Variants in LACTB2 observed in about 807,000 individuals in gnomAD.
The protein encoded by LACTB2 is endoribonuclease LACTB2.
A neutral mutation model predicts 34.8 loss-of-function variants in LACTB2; 32 were observed. That is an observed-to-expected ratio of 0.92 (90% CI 0.69 to 1.24). The LOEUF (loss-of-function observed/expected upper bound fraction) is 1.24, where lower values mean the gene tolerates loss of function less well. Ranked by LOEUF, LACTB2 falls within the 50% of genes most tolerant of loss-of-function variation. The probability of loss-of-function intolerance (pLI) is 0.00; values close to 1 mark genes in which losing one functional copy is unlikely to be tolerated. For synonymous variants in LACTB2, 120 were observed against 117.5 expected (o/e 1.02, Z -0.14); for missense variants, 320 against 345.0 (o/e 0.93, Z 0.57).
intron 3 of LACTB2, among the ~76,000 whole-genome samples, chr8:70,649,417 A>C (rs1439702286): frequency 6.6e-6 from 1 of 152,232 alleles, no homozygotes; most frequent in Non-Finnish European, 1.5e-5. Flanking sequence ...TTATATACTC[A>C]GAGTTAAATT....
intron 5 of LACTB2, among the ~76,000 whole-genome samples, chr8:70,640,162 A>C (rs983516984): frequency 2.3e-4 from 35 of 152,024 alleles, no homozygotes; most frequent in African/African-American, 8.2e-4. Context: ...AGGTCTCACT[A>C]TGTTGCCCAA....
intron 2 of LACTB2, chr8:70,660,108 GT>G (rs1478352528): frequency 3.3e-5 from 5 of 151,638 alleles, no homozygotes; most frequent in African/African-American, 1.2e-4. Context: ...TCACAGAGTA[GT>G]TTCTTTTTTT....
intron 4 of LACTB2, among the ~76,000 whole-genome samples, chr8:70,641,663 G>C (rs1818201040): frequency 6.6e-6 from 1 of 152,120 alleles, no homozygotes; most frequent in Non-Finnish European, 1.5e-5. Context: ...AAATTCACAA[G>C]ACCCACAGTA....
intron 4 of LACTB2, among the ~76,000 whole-genome samples, chr8:70,643,804 A>G (rs1169179018): frequency 6.6e-6 from 1 of 152,124 alleles, no homozygotes; most frequent in Non-Finnish European, 1.5e-5. Context: ...TGAGCCACTG[A>G]GCCTGGCCTT....
rs1374238608 is a variant in LACTB2, at chr8:70,637,696, A to G, written c.*164T>C. 1 of 411,900 alleles carries G rather than the reference A, an allele frequency of 2.4e-6. No homozygotes were observed. Among genetic ancestry groups the G allele is most frequent in the East Asian group, 3.7e-5 (1 of 27,032 alleles). The allele number at this position is 411,900 out of a possible 1,614,324, so 25.5% of individuals were successfully genotyped here. ...GAAATAACCTATCATATGGTTGTAT[A>G]GTGTAATTTACATATTTTAGCATAA... On this transcript the variant is annotated 3_prime_UTR_variant, in exon 7 of 7. Coordinates refer to ENST00000276590, the MANE Select transcript of LACTB2 (RefSeq NM_016027.3).
intron 1 of LACTB2, chr8:70,662,451 T>C (rs1471323578): frequency 6.6e-6 from 1 of 152,232 alleles, no homozygotes; most frequent in East Asian, 1.9e-4. Flanking sequence ...ATACAACTTA[T>C]CACTGAAGTT....
intron 3 of LACTB2, among the ~76,000 whole-genome samples, chr8:70,652,338 T>A (rs530781272): frequency 6.6e-6 from 1 of 152,364 alleles, no homozygotes; most frequent in East Asian, 1.9e-4. Context: ...CATGTTAATA[T>A]TGAAAACAGT....
At chr8:70,664,940 C>G (rs986736575) in intron 1 of LACTB2, among the ~76,000 whole-genome samples, 16 of 152,186 alleles carry the variant, frequency 1.1e-4, no homozygotes, top group Non-Finnish European at 2.2e-4. Flanking sequence ...CTTCTCCATT[C>G]AAAACACTGC....
chr8:70,649,815 CTGTT>C (rs1306541997), intron 3 of LACTB2, among the ~76,000 whole-genome samples: 3 of 152,120 alleles, frequency 2.0e-5, no homozygotes, highest in Non-Finnish European at 2.9e-5. Flanking sequence ...TGTCATTTGT[CTGTT>C]TGTTCCTGTA....
In LACTB2 at chr8:70,661,835, G is replaced by A. The variant is rs766247842; in HGVS notation, c.185C>T (p.Ala62Val). Residue 62 changes from alanine to valine, a missense_variant, in exon 2 of 7, where the codon GCT (alanine) becomes GTT (valine). By Grantham distance (64) the Ala-to-Val change is moderately conservative (BLOSUM62 0). Transcript: ENST00000276590. ...IPEYISCLKQ[A>V]LTEFNTAIQE... ...GATTGCTGTGTTAAATTCAGTTAGA[G>A]CCTGCTTTAAACAGCTGATGTATTC... The A allele has an allele frequency of 2.5e-6, 4 of 1,613,450 alleles. No individual in the cohort carries two copies. The highest frequency in any genetic ancestry group is 2.5e-6 in the Non-Finnish European group (3 of 1,179,738).
chr8:70,669,116 G>C lies in LACTB2; in HGVS notation c.5C>G (p.Ala2Gly). Reference protein sequence around the residue: MAAVLQRVERLS... With the variant: MGAVLQRVERLS... ...CCGCTCGACGCGCTGCAGTACAGCA[G>C]CCATTCCCGCCTCAGCCGCCCGCCG... The change falls in exon 1 of 7, where the codon GCT becomes GGT. Residue 2 changes from alanine (A) to glycine (G), a missense_variant. Transcript: ENST00000276590. The C allele has an allele frequency of 6.3e-7, 1 of 1,588,580 alleles. No individual in the cohort carries two copies. Among genetic ancestry groups the C allele is most frequent in the Non-Finnish European group, 8.6e-7 (1 of 1,169,032 alleles).
At chr8:70,665,915 T>C (rs1818529109) in intron 1 of LACTB2, among the ~76,000 whole-genome samples, 3 of 152,226 alleles carry the variant, frequency 2.0e-5, no homozygotes, top group Admixed American at 6.5e-5. Context: ...GTAAAAACAC[T>C]GGACAATTTG....
chr8:70,648,786 C>T (rs914548648), intron 3 of LACTB2, among the ~76,000 whole-genome samples: 1 of 152,012 alleles, frequency 6.6e-6, no homozygotes, highest in Non-Finnish European at 1.5e-5. Context: ...GAGTTTTTTC[C>T]GATGATGGGA....
intron 5 of LACTB2, among the ~76,000 whole-genome samples, chr8:70,639,903 G>A (rs1818174086): frequency 1.3e-5 from 2 of 152,098 alleles, no homozygotes; most frequent in Non-Finnish European, 2.9e-5. Flanking sequence ...CAGAGGTTGT[G>A]GTGAGCCAAG....
chr8:70,667,676 A>G (rs1284124229), intron 1 of LACTB2, among the ~76,000 whole-genome samples: 2 of 152,210 alleles, frequency 1.3e-5, no homozygotes, highest in Admixed American at 6.5e-5. Flanking sequence ...TGTATTTTTC[A>G]TACAATATAG....
chr8:70,668,448 G>T (rs1818566371), intron 1 of LACTB2, among the ~76,000 whole-genome samples: 1 of 152,182 alleles, frequency 6.6e-6, no homozygotes, highest in African/African-American at 2.4e-5. Context: ...ACACACAATT[G>T]TAACAAAAAA....
At position 70,650,609 on chromosome 8, in the gene LACTB2, A is replaced by C. The variant is rs182688510; in HGVS notation, c.414-6366T>G. On this transcript the variant is annotated intron_variant, in intron 3 of 6. Transcript: ENST00000276590. ...GCTGGGCGTGGTGGCGGATGCCTGTAATCTCAGCTACTCAGGAGTCTAAGG... is the reference window on the plus strand; with the variant it reads ...GCTGGGCGTGGTGGCGGATGCCTGTCATCTCAGCTACTCAGGAGTCTAAGG... Among the ~76,000 whole-genome samples the C allele has an allele frequency of 5.9e-5, 9 of 152,120 alleles. No homozygotes were observed. In the East Asian group the frequency reaches 1.7e-3, roughly 29 times the overall value.
intron 1 of LACTB2, among the ~76,000 whole-genome samples, chr8:70,667,353 T>C (rs1401512039): frequency 6.6e-6 from 1 of 152,260 alleles, no homozygotes. Context: ...TCAGAACATC[T>C]GACAAGGGGC....
intron 2 of LACTB2, among the ~76,000 whole-genome samples, chr8:70,659,705 T>TA (rs1189796746): frequency 2.0e-5 from 3 of 152,154 alleles, no homozygotes; most frequent in African/African-American, 7.2e-5. Flanking sequence ...AGTAGACAAT[T>TA]AAAAAATCAC....
Sources: gnomAD v4.1 joint callset for allele counts (sites outside exome capture counted in the v4.1 genomes callset) on GRCh38, gnomAD v4.1.1 for gene constraint, MANE v1.5 for transcripts, NCBI Gene and HGNC (gene_info 2026-07-23, HGNC 2026-07-21) for gene names.